The following LY75 variants were observed in gnomAD, a reference collection of about 807,000 sequenced individuals.
LY75 encodes lymphocyte antigen 75.
A neutral mutation model predicts 231.7 loss-of-function variants in LY75; 185 were observed. The observed-to-expected ratio is 0.80, with a 90% confidence interval of 0.71 to 0.90. LY75 has a LOEUF of 0.90. Ranked by LOEUF, LY75 falls within the 40% of genes least tolerant of loss-of-function variation. LY75 has a pLI of 0.00. For missense variants in LY75, 1,947 were observed against 2,050.2 expected (o/e 0.95, Z 0.97); for synonymous variants, 668 against 689.0 (o/e 0.97, Z 0.48).
rs1490546410 is a variant in LY75 at position 159,874,848 on chromosome 2, A to T, written c.1974+596T>A. 6.4e-4 allele frequency among the ~76,000 whole-genome samples: 51 copies of T among 80,080 alleles called. 7 individuals carry two copies. The Middle Eastern group carries it at 0.069, about 108-fold the overall frequency. 52.5% of individuals were successfully genotyped at this position (80,080 alleles called of 152,430 possible). ...TATATATATTTTGTAAATATATGTA[A>T]ATATATATATATTTTGTAAATATAT... is the stretch of plus-strand genomic sequence containing the variant. On this transcript the variant is annotated intron_variant, in intron 12 of 34. Coordinates refer to ENST00000263636, the MANE Select transcript of LY75 (RefSeq NM_002349.4).
chr2:159,874,767 AAT>A (rs1231005130), intron 12 of LY75, among the ~76,000 whole-genome samples: 2 of 43,810 alleles, frequency 4.6e-5, no homozygotes, highest in East Asian at 7.1e-4. Context: ...AATATATGTA[AAT>A]ATATATATTT....
chr2:159,853,542 C>T, intron 19 of LY75, 88 bp downstream of exon 19: 1 of 1,580,070 alleles, frequency 6.3e-7, no homozygotes, highest in Non-Finnish European at 8.6e-7. Flanking sequence ...AATATTCAAA[C>T]TACTTATAAA....
chr2:159,808,064 G>A (rs987789023), intron 33 of LY75: 9 of 978,650 alleles, frequency 9.2e-6, no homozygotes, highest in Admixed American at 1.2e-4. Flanking sequence ...TCTGAATAAC[G>A]AAGTTATAAG....
At chr2:159,835,197 T>C (rs986626019) in intron 26 of LY75, among the ~76,000 whole-genome samples, 2 of 152,146 alleles carry the variant, frequency 1.3e-5, no homozygotes, top group African/African-American at 2.4e-5. Flanking sequence ...CAACTATAAA[T>C]ATATGCAGAA....
chr2:159,859,135 A>T (rs1684624866), intron 15 of LY75, among the ~76,000 whole-genome samples: 1 of 152,220 alleles, frequency 6.6e-6, no homozygotes, highest in Admixed American at 6.5e-5. Flanking sequence ...CATACTTGGC[A>T]ACTCTATTTC....
rs1444404202 is a variant in LY75, at chr2:159,810,630, G to T, written c.4595C>A (p.Ala1532Glu). The T allele has an allele frequency of 6.2e-7, 1 of 1,613,860 alleles. No individual in the cohort carries two copies. Among genetic ancestry groups the T allele is most frequent in the Admixed American group, 1.7e-5 (1 of 59,994 alleles). Residue 1532 changes from alanine (A) to glutamate (E), a missense_variant, in exon 32 of 35, where the codon GCA becomes GAA. By Grantham distance (107) the Ala-to-Glu change is moderately radical. Transcript: ENST00000263636. ...GATCCACCGTGACCCATTCTCTTTT[G>T]CTGCTGGACATCTTGATGAATATGT... ...RLTYSSRCPA[A>E]KENGSRWIQY...
At chr2:159,894,235 G>T in intron 2 of LY75, 151 bp from the exon 3 acceptor site, 1 of 977,634 alleles carries the variant, frequency 1.0e-6, no homozygotes, top group Non-Finnish European at 1.5e-6. Flanking sequence ...GTCAGGTCTG[G>T]ATATGAATGC....
chr2:159,836,918 C>T (rs961344224), intron 25 of LY75, among the ~76,000 whole-genome samples: 1 of 152,234 alleles, frequency 6.6e-6, no homozygotes, highest in Admixed American at 6.5e-5. Flanking sequence ...AATCATCCCA[C>T]ACCTTTTATC....
At chr2:159,868,545 A>G (rs1439124415) in intron 13 of LY75, among the ~76,000 whole-genome samples, 4 of 152,196 alleles carry the variant, frequency 2.6e-5, no homozygotes, top group Non-Finnish European at 4.4e-5. Context: ...TTTTTTAAAG[A>G]AGGGAGTGCT....
At position 159,854,424 on chromosome 2, in the gene LY75, T is replaced by C; in HGVS notation, c.2531A>G (p.His844Arg). 1 of 1,566,274 alleles carries C rather than the reference T, an allele frequency of 6.4e-7. No individual in the cohort carries two copies. The highest frequency in any genetic ancestry group is 8.7e-7 in the Non-Finnish European group (1 of 1,150,802). ...AGATGTTATAGTTGCAAGAAAGCTG[T>C]GATTGCTGGCACAGTACAGGACGGC... ...EEAVLYCASN[H>R]SFLATITSFV... Residue 844 changes from histidine (H) to arginine (R), a missense_variant, in exon 18 of 35, where the codon CAC becomes CGC. Transcript: ENST00000263636.
chr2:159,870,134 GAA>G (rs1201686972), intron 13 of LY75, among the ~76,000 whole-genome samples: 1 of 152,156 alleles, frequency 6.6e-6, no homozygotes, highest in Non-Finnish European at 1.5e-5. Context: ...TCTCTAATGA[GAA>G]AAACACAGCA....
intron 13 of LY75, among the ~76,000 whole-genome samples, chr2:159,865,835 C>G (rs964925541): frequency 7.2e-5 from 11 of 152,068 alleles, no homozygotes; most frequent in African/African-American, 2.7e-4. Context: ...TCTACACAAG[C>G]AATATGGAGG....
intron 3 of LY75, among the ~76,000 whole-genome samples, chr2:159,891,646 C>A (rs1685761048): frequency 6.6e-6 from 1 of 152,154 alleles, no homozygotes; most frequent in Non-Finnish European, 1.5e-5. Flanking sequence ...CCCAAAGCCC[C>A]AGCACACACA....
Position 159,849,906 on chromosome 2 carries a change from T to C in LY75, c.3150+74A>G, listed in dbSNP as rs1684329072. On this transcript the variant is annotated intron_variant, in intron 23 of 34. Coordinates refer to ENST00000263636, the MANE Select transcript of LY75 (RefSeq NM_002349.4). ...ATGGAATAATACAGTGGGGTTTTGCTTAGTCCAAAAATGTATGAAAGACTC... is the reference window on the plus strand; with the variant it reads ...ATGGAATAATACAGTGGGGTTTTGCCTAGTCCAAAAATGTATGAAAGACTC... 2.6e-6 allele frequency: 4 copies of C among 1,542,130 alleles called. No individual in the cohort carries two copies. In the Admixed American group the frequency reaches 8.2e-5, roughly 32 times the overall value.
rs67887100 is a variant in LY75 at position 159,850,773 on chromosome 2, C to CATATATATATATAT, written c.2884-320_2884-307dup. Among the ~76,000 whole-genome samples the CATATATATATATAT allele has an allele frequency of 1.8e-3, 48 of 27,144 alleles. 2 individuals are homozygous for CATATATATATATAT. The highest frequency in any genetic ancestry group is 4.3e-3 in the African/African-American group (39 of 9,062). The allele number at this position is 27,144 out of a possible 152,430, so 17.8% of individuals were successfully genotyped here. A position where few individuals can be genotyped will look rare whatever the true frequency, so the allele number is the denominator to read the frequency against. On this transcript the variant is annotated intron_variant, in intron 21 of 34. Transcript: ENST00000263636. ...AACTGAAGAGCGGTCTTCAAACTTT[C>CATATATATATATAT]ATATATATATATATATATATATATA...
At chr2:159,847,733 A>C (rs1305696344) in intron 23 of LY75, among the ~76,000 whole-genome samples, 2 of 152,174 alleles carry the variant, frequency 1.3e-5, no homozygotes, top group Admixed American at 1.3e-4. Flanking sequence ...GGACAATCAC[A>C]ATATGCTGTG....
intron 23 of LY75, among the ~76,000 whole-genome samples, chr2:159,844,711 G>C (rs1684148735): frequency 6.7e-6 from 1 of 149,186 alleles, no homozygotes; most frequent in Non-Finnish European, 1.5e-5. Context: ...ATGCCTATGG[G>C]GGAAAAAAAA....
In LY75 at chr2:159,810,641, T is replaced by C; in HGVS notation, c.4584A>G (p.Arg1528=). The C allele has an allele frequency of 6.2e-7, 1 of 1,613,964 alleles. No individual in the cohort carries two copies. The highest frequency in any genetic ancestry group is 2.2e-5 in the East Asian group (1 of 44,870). The change falls in exon 32 of 35, where the codon AGA becomes AGG. Residue 1528 remains arginine (R), a synonymous_variant. Transcript: ENST00000263636. ...KKLSRLTYSS[R]CPAAKENGSR... is the part of the protein sequence containing the mutation. ...ACCCATTCTCTTTTGCTGCTGGACATCTTGATGAATATGTAAGACGGGACA... is the reference window on the plus strand; with the variant it reads ...ACCCATTCTCTTTTGCTGCTGGACACCTTGATGAATATGTAAGACGGGACA...
Position 159,850,368 on chromosome 2 carries a change from C to A in LY75, c.2983G>T (p.Glu995Ter). The A allele has an allele frequency of 6.2e-7, 1 of 1,613,596 alleles. No homozygotes were observed. The highest frequency in any genetic ancestry group is 8.5e-7 in the Non-Finnish European group (1 of 1,179,706). The change falls in exon 22 of 35, where the codon GAA becomes TAA. Residue 995 changes from glutamate (E) to a stop codon, truncating the protein, a stop_gained. Transcript: ENST00000263636. LOFTEE classifies it high-confidence loss of function. ...TCCCAAATAATTCCAGTACCTTGTT[C>A]AATCTGGCTCAACACTGAAGGAAGG... ...GTLPSVLSQIEQDFITSLLPD... is the reference protein window; with the variant it reads ...GTLPSVLSQI
Sources: gnomAD v4.1 joint callset for allele counts (sites outside exome capture counted in the v4.1 genomes callset) on GRCh38, gnomAD v4.1.1 for gene constraint, MANE v1.5 for transcripts, NCBI Gene and HGNC (gene_info 2026-07-23, HGNC 2026-07-21) for gene names.